The following NELL1 variants were observed in gnomAD, a reference collection of about 807,000 sequenced individuals.
NELL1 encodes neural EGFL like 1.
Under a neutral mutation model 107.4 loss-of-function variants are expected in NELL1, and 76 were observed. That is an observed-to-expected ratio of 0.71 (90% CI 0.59 to 0.86). The LOEUF (loss-of-function observed/expected upper bound fraction) is 0.86. Ranked by LOEUF, NELL1 falls within the 40% of genes least tolerant of loss-of-function variation. NELL1 has a pLI of 0.00. For synonymous variants in NELL1, 353 were observed against 341.2 expected, an observed-to-expected ratio of 1.03 and a Z score of -0.38; for missense variants, 1,024 against 1,005.5, an observed-to-expected ratio of 1.02 and a Z score of -0.25.
intron 2 of NELL1, among the ~76,000 whole-genome samples, chr11:20,701,032 G>A (rs756957065): frequency 6.6e-6 from 1 of 152,162 alleles, no homozygotes; most frequent in Non-Finnish European, 1.5e-5. Context: ...TCAGTAATGG[G>A]ATGGCTGGGT....
intron 4 of NELL1, among the ~76,000 whole-genome samples, chr11:20,854,834 C>T (rs1848852885): frequency 6.6e-6 from 1 of 152,168 alleles, no homozygotes; most frequent in Admixed American, 6.5e-5. Context: ...AGACATACAT[C>T]CTCTGAATGC....
intron 2 of NELL1, among the ~76,000 whole-genome samples, chr11:20,748,911 CCCA>C (rs1856067963): frequency 1.4e-5 from 2 of 143,926 alleles, no homozygotes; most frequent in African/African-American, 5.2e-5. Flanking sequence ...CACCCAGCCA[CCCA>C]TCCATCCATC....
chr11:21,204,304 G>A (rs953464577), intron 13 of NELL1, among the ~76,000 whole-genome samples: 10 of 151,704 alleles, frequency 6.6e-5, no homozygotes, highest in Admixed American at 2.0e-4. Flanking sequence ...GGCTTTATTC[G>A]TTCCTTTTCA....
At chr11:20,670,375 G>A (rs1348960451) in intron 1 of NELL1, 1 of 152,480 alleles carries the variant, frequency 6.6e-6, no homozygotes, top group African/African-American at 2.4e-5. Context: ...GCTCCCAAGG[G>A]CTGGGCGAAC....
intron 2 of NELL1, among the ~76,000 whole-genome samples, chr11:20,690,603 C>T (rs36184324): frequency 0.14 from 17,998 of 130,262 alleles, 1,351 homozygotes; most frequent in African/African-American, 0.19. Flanking sequence ...AGATATGTGG[C>T]GTTCTTTCTG....
intron 4 of NELL1, among the ~76,000 whole-genome samples, chr11:20,864,575 T>C (rs1182889818): frequency 6.6e-6 from 1 of 152,208 alleles, no homozygotes; most frequent in Non-Finnish European, 1.5e-5. Flanking sequence ...CCTGCCTCCA[T>C]AGGCCATCGT....
intron 14 of NELL1, among the ~76,000 whole-genome samples, chr11:21,234,839 G>C (rs1416048943): frequency 1.3e-5 from 2 of 152,120 alleles, no homozygotes; most frequent in East Asian, 3.8e-4. Flanking sequence ...AAACAATCCT[G>C]AATTAAATAA....
chr11:20,891,750 T>TA (rs570463488), intron 5 of NELL1, among the ~76,000 whole-genome samples: 6 of 151,670 alleles, frequency 4.0e-5, no homozygotes, highest in Non-Finnish European at 7.4e-5. Flanking sequence ...CCGACAAAGA[T>TA]AAAAAAAGAC....
intron 14 of NELL1, among the ~76,000 whole-genome samples, chr11:21,301,198 T>C (rs1849484447): frequency 6.6e-6 from 1 of 152,186 alleles, no homozygotes; most frequent in African/African-American, 2.4e-5. Flanking sequence ...AGTGCCACAA[T>C]AAACATACGT....
chr11:21,042,572 T>G (rs1853261158), intron 12 of NELL1, among the ~76,000 whole-genome samples: 1 of 152,178 alleles, frequency 6.6e-6, no homozygotes, highest in Non-Finnish European at 1.5e-5. Context: ...AGCTGGGGCC[T>G]CAGATGACAG....
At chr11:21,376,564 A>T (rs1195713769) in intron 15 of NELL1, among the ~76,000 whole-genome samples, 1 of 151,826 alleles carries the variant, frequency 6.6e-6, no homozygotes, top group East Asian at 1.9e-4. Context: ...ATTTTAGAAT[A>T]TTTTTTTCTG....
rs573261781 is a variant in NELL1 at position 20,918,418 on chromosome 11, TA to T, written c.676+171del. 7.2e-5 allele frequency among the ~76,000 whole-genome samples: 11 copies of T among 152,040 alleles called. No homozygotes were observed. In the South Asian group the frequency reaches 1.0e-3, roughly 14 times the overall value. On this transcript the variant is annotated intron_variant, in intron 6 of 19. Coordinates refer to ENST00000357134, the MANE Select transcript of NELL1 (RefSeq NM_006157.5). ...TCTACATTATATAATTCTGTGTCTTTAAAAAAATATGTATCATTTATTGTAT... is the reference window on the plus strand; with the variant it reads ...TCTACATTATATAATTCTGTGTCTTTAAAAAATATGTATCATTTATTGTAT...
chr11:21,297,341 A>G (rs1219105466), intron 14 of NELL1, among the ~76,000 whole-genome samples: 1 of 152,038 alleles, frequency 6.6e-6, no homozygotes, highest in African/African-American at 2.4e-5. Context: ...TACTTCATCT[A>G]GTTTTGATAT....
At chr11:20,852,194 A>T (rs1848807040) in intron 4 of NELL1, among the ~76,000 whole-genome samples, 1 of 147,970 alleles carries the variant, frequency 6.8e-6, no homozygotes, top group Non-Finnish European at 1.5e-5. Flanking sequence ...TGTATGGCAC[A>T]TACACACACA....
At chr11:21,173,749 A>ATG (rs140675203) in intron 13 of NELL1, among the ~76,000 whole-genome samples, 22 of 150,520 alleles carry the variant, frequency 1.5e-4, no homozygotes, top group Non-Finnish European at 2.2e-4. Flanking sequence ...ATGTAGAGGT[A>ATG]TGTGTGTGTG....
At chr11:21,218,797 G>A (rs1349684346) in intron 13 of NELL1, among the ~76,000 whole-genome samples, 1 of 152,122 alleles carries the variant, frequency 6.6e-6, no homozygotes, top group African/African-American at 2.4e-5. Context: ...AAAGCTCATC[G>A]ATGTTGCCAC....
intron 12 of NELL1, among the ~76,000 whole-genome samples, chr11:21,040,837 G>T (rs1853211611): frequency 6.6e-6 from 1 of 152,088 alleles, no homozygotes; most frequent in African/African-American, 2.4e-5. Context: ...CCTGTTTGTA[G>T]CATGAATCAT....
At chr11:21,495,556 T>C (rs2133923193) in intron 15 of NELL1, among the ~76,000 whole-genome samples, 1 of 152,292 alleles carries the variant, frequency 6.6e-6, no homozygotes, top group East Asian at 1.9e-4. Flanking sequence ...ACCGTAATTC[T>C]ATTTTTAACT....
At chr11:21,262,662 C>T (rs917646851) in intron 14 of NELL1, 1 of 147,496 alleles carries the variant, frequency 6.8e-6, no homozygotes, top group Non-Finnish European at 1.5e-5. Flanking sequence ...TTTGAGAAGC[C>T]CAATGCTATT....
Sources: allele counts gnomAD v4.1 joint callset (sites outside exome capture counted in the v4.1 genomes callset), GRCh38; gene constraint gnomAD v4.1.1; transcripts MANE v1.5; gene names NCBI Gene and HGNC (gene_info 2026-07-23, HGNC 2026-07-21).